CDH11: variants seen among roughly 807,000 people sequenced by gnomAD.
CDH11 encodes the protein cadherin 11.
A neutral mutation model predicts 67.8 loss-of-function variants in CDH11; 11 were observed. The ratio of observed to expected loss-of-function variants is 0.16; its 90% CI spans 0.10 to 0.27. The LOEUF (loss-of-function observed/expected upper bound fraction) is 0.27. Among genes scored for constraint, CDH11 ranks in the 10% least tolerant of loss-of-function variants. The pLI, the probability that CDH11 is intolerant of heterozygous loss-of-function variation, is 1.00. For synonymous variants in CDH11, 419 were observed against 400.0 expected (o/e 1.05, Z -0.57); for missense variants, 847 against 1,031.2 (o/e 0.82, Z 2.45).
At chr16:64,954,683 G>A (rs751135776) in intron 11 of CDH11, among the ~76,000 whole-genome samples, 5 of 152,110 alleles carry the variant, frequency 3.3e-5, no homozygotes, top group African/African-American at 7.2e-5. Context: ...TAAAATATTC[G>A]CCCTTTAGAT....
rs913487474 is a variant in CDH11 at position 64,950,656 on chromosome 16, G to C, written c.1894+111C>G. The C allele has an allele frequency of 1.2e-5, 15 of 1,284,228 alleles. No individual in the cohort carries two copies. In the Admixed American group the frequency reaches 3.9e-4, roughly 33 times the overall value. The allele number at this position is 1,284,228 out of a possible 1,614,324, so 79.6% of individuals were successfully genotyped here. A position where few individuals can be genotyped will look rare whatever the true frequency, so the allele number is the denominator to read the frequency against. On this transcript the variant is annotated intron_variant, in intron 12 of 12. Transcript: ENST00000268603. The stretch of plus-strand genomic sequence containing the variant: ...CCCACTTCTTTTCTTGAACTGTGTC[G>C]ACAGTCATAACAGGGTCCTGGTTAC...
In CDH11 at chr16:65,004,675, C is replaced by T; in HGVS notation, c.195G>A (p.Glu65=). ...WVWNQFFVIE[E]YTGPDPVLVG... is the part of the protein sequence containing the mutation. ...CAAGCACGGGGTCAGGCCCGGTGTA[C>T]TCCTCTATCACGAAGAACTGGTTCC... The change falls in exon 3 of 13, where the codon GAG becomes GAA. Residue 65 remains glutamate, a synonymous_variant. Transcript: ENST00000268603. 1 of 1,613,700 alleles carries T rather than the reference C, an allele frequency of 6.2e-7. No individual in the cohort carries two copies. Among genetic ancestry groups the T allele is most frequent in the East Asian group, 2.2e-5 (1 of 44,812 alleles).
chr16:64,988,212 G>T lies in CDH11; in HGVS notation c.944C>A (p.Ser315Ter). The change falls in exon 7 of 13, where the codon TCG becomes TAG. Residue 315 changes from serine to a stop codon, truncating the protein, a stop_gained. Transcript: ENST00000268603. LOFTEE classifies it high-confidence loss of function. ...YNIVDGDGME[S>*]FEITTDYETQ... is the part of the protein sequence containing the mutation. Reference sequence around the variant, plus strand: ...TTCATAGTCCGTTGTGATTTCAAACGATTCCATACCATCTCCATCAACAAT... The same window carrying T: ...TTCATAGTCCGTTGTGATTTCAAACTATTCCATACCATCTCCATCAACAAT... 1 of 1,612,982 alleles carries T rather than the reference G, an allele frequency of 6.2e-7. No individual in the cohort carries two copies. The highest frequency in any genetic ancestry group is 1.1e-5 in the South Asian group (1 of 90,856).
Position 64,968,138 on chromosome 16 carries a change from G to A in CDH11, c.1642+3441C>T, listed in dbSNP as rs138671564. On this transcript the variant is annotated intron_variant, in intron 11 of 12. Coordinates refer to ENST00000268603, the MANE Select transcript of CDH11 (RefSeq NM_001797.4). ...AGGGCCCTCCAAATATTTAAATTTA[G>A]TTTTTGCACTTATTGCTGTGTGACC... Among the ~76,000 whole-genome samples the A allele has an allele frequency of 1.4e-4, 21 of 152,220 alleles. No individual in the cohort carries two copies. The East Asian group carries it at 4.1e-3, about 29-fold the overall frequency.
intron 1 of CDH11, among the ~76,000 whole-genome samples, chr16:65,065,731 T>C (rs2074302990): frequency 6.6e-6 from 1 of 152,226 alleles, no homozygotes; most frequent in Non-Finnish European, 1.5e-5. Context: ...AGCATCTTTC[T>C]GCCAGAAGGA....
chr16:65,013,552 G>A (rs1271108987), intron 2 of CDH11, among the ~76,000 whole-genome samples: 6 of 152,118 alleles, frequency 3.9e-5, no homozygotes, highest in East Asian at 1.9e-4. Context: ...CCAGCCGGGC[G>A]CAGTGGCTCA....
At chr16:65,119,591 G>A (rs748168320) in intron 1 of CDH11, among the ~76,000 whole-genome samples, 2 of 152,144 alleles carry the variant, frequency 1.3e-5, no homozygotes, top group Non-Finnish European at 2.9e-5. Context: ...AAATCTACAT[G>A]TCTGGGGCTC....
chr16:65,060,328 A>G (rs13334682), intron 1 of CDH11, among the ~76,000 whole-genome samples: 2,826 of 125,114 alleles, frequency 0.023, 97 homozygotes, highest in African/African-American at 0.081. Flanking sequence ...CACACCCACT[A>G]TAAAATTTGC....
intron 1 of CDH11, among the ~76,000 whole-genome samples, chr16:65,054,173 T>TA (rs1248623647): frequency 7.2e-4 from 110 of 152,210 alleles, no homozygotes; most frequent in Non-Finnish European, 1.5e-5. Flanking sequence ...ATGACAATGA[T>TA]AAAAGCAATC....
chr16:64,997,143 C>A (rs1379001770), intron 4 of CDH11, among the ~76,000 whole-genome samples: 1 of 151,696 alleles, frequency 6.6e-6, no homozygotes, highest in African/African-American at 2.4e-5. Flanking sequence ...AATAAAAATA[C>A]AAAGAAATTA....
intron 8 of CDH11, among the ~76,000 whole-genome samples, chr16:64,974,153 C>T (rs2072094636): frequency 6.6e-6 from 1 of 152,088 alleles, no homozygotes. Flanking sequence ...AAATAACTTG[C>T]CCAGGATACA....
chr16:65,039,487 C>G (rs1011134045), intron 2 of CDH11, among the ~76,000 whole-genome samples: 1 of 152,124 alleles, frequency 6.6e-6, no homozygotes, highest in East Asian at 1.9e-4. Flanking sequence ...ATAAATGGTG[C>G]TGGGAAAACT....
At chr16:64,999,662 G>A (rs895951645) in intron 3 of CDH11, among the ~76,000 whole-genome samples, 8 of 152,010 alleles carry the variant, frequency 5.3e-5, no homozygotes, top group South Asian at 2.1e-4. Context: ...AGCCTCCCAA[G>A]TAGCTGGGAT....
chr16:64,972,354 G>C (rs1039955622), intron 9 of CDH11, among the ~76,000 whole-genome samples: 1 of 152,180 alleles, frequency 6.6e-6, no homozygotes, highest in Admixed American at 6.5e-5. Context: ...GATCCCCAGA[G>C]AGATGTCTAT....
chr16:65,048,077 T>G (rs188873576), intron 2 of CDH11, among the ~76,000 whole-genome samples: 57 of 152,292 alleles, frequency 3.7e-4, no homozygotes, highest in African/African-American at 1.3e-3. Flanking sequence ...TATTATTGTA[T>G]CCCCAGCACC....
Position 64,946,373 on chromosome 16 carries a change from T to A in CDH11, c.*1230A>T, listed in dbSNP as rs1003634305. 4 of 1,033,292 alleles carry A rather than the reference T, an allele frequency of 3.9e-6. No homozygotes were observed. In the East Asian group the frequency reaches 2.4e-4, roughly 61 times the overall value. 64.0% of individuals were successfully genotyped at this position (1,033,292 alleles called of 1,614,324 possible). On this transcript the variant is annotated 3_prime_UTR_variant, in exon 13 of 13. Transcript: ENST00000268603. Reference sequence around the variant, plus strand: ...CCAGTGCTCAGTGTGGGGCATAGAATGTATACCTGGAACATTAGAGTTCTG... The same window carrying A: ...CCAGTGCTCAGTGTGGGGCATAGAAAGTATACCTGGAACATTAGAGTTCTG...
intron 11 of CDH11, among the ~76,000 whole-genome samples, chr16:64,960,740 T>C (rs1465692474): frequency 6.6e-6 from 1 of 152,062 alleles, no homozygotes; most frequent in African/African-American, 2.4e-5. Context: ...AGAGGTAAAG[T>C]GTACAAGGAG....
In CDH11 at chr16:64,944,335, G is replaced by GA. The variant is rs2071158747; in HGVS notation, c.*3267dup. On this transcript the variant is annotated 3_prime_UTR_variant, in exon 13 of 13. Coordinates refer to ENST00000268603, the MANE Select transcript of CDH11 (RefSeq NM_001797.4). ...AGGCTGATGGCAGTGCAAGAGCAGA[G>GA]AAGTCTTTCCTCTTCTCCATCTCCA... 8.6e-6 allele frequency: 2 copies of GA among 232,800 alleles called. No individual in the cohort carries two copies. 14.4% of individuals were successfully genotyped at this position (232,800 alleles called of 1,614,324 possible).
intron 1 of CDH11, among the ~76,000 whole-genome samples, chr16:65,091,354 TCAG>T (rs1404799885): frequency 2.0e-5 from 3 of 152,204 alleles, no homozygotes; most frequent in Admixed American, 1.3e-4. Flanking sequence ...TTGTAAAATC[TCAG>T]CAGAAGAAAT....
Sources: gnomAD v4.1 joint callset for allele counts (sites outside exome capture counted in the v4.1 genomes callset) on GRCh38, gnomAD v4.1.1 for gene constraint, MANE v1.5 for transcripts, NCBI Gene and HGNC (gene_info 2026-07-23, HGNC 2026-07-21) for gene names.